Variants in XKRX observed in about 807,000 individuals in gnomAD.
XKRX encodes the protein XK-related protein 2.
In XKRX, 11 loss-of-function variants were observed where a neutral mutation model predicts 22.4. The ratio of observed to expected loss-of-function variants is 0.49; its 90% CI spans 0.31 to 0.81. The LOEUF is 0.81. Ranked by LOEUF, XKRX falls within the 40% of genes least tolerant of loss-of-function variation. XKRX has a pLI of 0.05. For missense variants in XKRX, 320 were observed against 336.5 expected (o/e 0.95, Z 0.38); for synonymous variants, 114 against 132.2 (o/e 0.86, Z 0.94).
the XKRX span, among the ~76,000 whole-genome samples, chrX:100,950,626 T>C: frequency 1.8e-5 from 2 of 112,145 alleles, no homozygotes; most frequent in Non-Finnish European, 1.9e-5. Context: ...AAACAGATCA[T>C]ATCCTGGGTC....
chrX:100,896,231 C>T, the XKRX span, among the ~76,000 whole-genome samples: 2 of 111,683 alleles, frequency 1.8e-5, no homozygotes, highest in Non-Finnish European at 3.8e-5. Flanking sequence ...ATCTCACTTC[C>T]TGGAATCTAT....
intron 2 of XKRX, among the ~76,000 whole-genome samples, chrX:100,921,824 C>CTTTTTTT (rs769704465): frequency 3.5e-5 from 2 of 56,360 alleles, no homozygotes; most frequent in East Asian, 4.4e-4. Flanking sequence ...TAACCCCACG[C>CTTTTTTT]TTTTTTTTTT....
chrX:100,928,734 T>A lies in XKRX; in HGVS notation c.-430A>T, dbSNP rs1249136842. 3 of 769,440 alleles carry A rather than the reference T, an allele frequency of 3.9e-6. No homozygotes were observed. The African/African-American group carries it at 6.9e-5, about 18-fold the overall frequency. 63.4% of individuals were successfully genotyped at this position (769,440 alleles called of 1,213,427 possible). ...GTCGGGGGCACCGACACTCAGCAGC[T>A]CCTCACAAAGAGTCCTGACCAGTGT... On this transcript the variant is annotated 5_prime_UTR_variant, in exon 1 of 3. Transcript: ENST00000372956.
chrX:100,943,392 TTTTTG>T, the XKRX span, among the ~76,000 whole-genome samples: 6 of 111,707 alleles, frequency 5.4e-5, no homozygotes, highest in Non-Finnish European at 9.4e-5. Context: ...TTTTGTGTGT[TTTTTG>T]TTTTGTTTTG....
the XKRX span, chrX:100,888,486 G>A: frequency 5.3e-4 from 449 of 848,207 alleles, 1 homozygote; most frequent in Non-Finnish European, 7.0e-4. Flanking sequence ...ATTCCCCATC[G>A]CTCAAAATGG....
chrX:100,951,345 C>G, the XKRX span, among the ~76,000 whole-genome samples: 2 of 102,745 alleles, frequency 1.9e-5, no homozygotes, highest in Non-Finnish European at 3.9e-5. Flanking sequence ...ATTAGAAGCC[C>G]AAACCTCAGC....
chrX:100,899,727 T>A, the XKRX span, among the ~76,000 whole-genome samples: 1 of 111,951 alleles, frequency 8.9e-6, no homozygotes, highest in Admixed American at 9.5e-5. Flanking sequence ...AATGTAAAAG[T>A]GAAATTAAGG....
chrX:100,914,498 A>G lies in XKRX; in HGVS notation c.1190T>C (p.Phe397Ser). 2 of 1,211,966 alleles carry G rather than the reference A, an allele frequency of 1.7e-6. No individual in the cohort carries two copies. Among genetic ancestry groups the G allele is most frequent in the Non-Finnish European group, 1.1e-6 (1 of 895,573 alleles). Residue 397 changes from phenylalanine to serine, a missense_variant, in exon 3 of 3, where the codon TTC becomes TCC. Phe to Ser is a radical substitution (Grantham distance 155, BLOSUM62 -2). Coordinates refer to ENST00000372956, the MANE Select transcript of XKRX (RefSeq NM_212559.3). ...LIIAYLISIG[F>S]MLLFFQYLHP... is the part of the protein sequence containing the mutation. ...CAAGTACTGGAAGAAAAGGAGCATGAAGCCAATGGAAATCAGATAAGCAAT... is the reference window on the plus strand; with the variant it reads ...CAAGTACTGGAAGAAAAGGAGCATGGAGCCAATGGAAATCAGATAAGCAAT...
the XKRX span, chrX:100,956,504 T>A: frequency 5.8e-6 from 2 of 344,431 alleles, no homozygotes; most frequent in Non-Finnish European, 5.1e-6. Flanking sequence ...TATATGACAG[T>A]CTTGAAATGA....
the XKRX span, among the ~76,000 whole-genome samples, chrX:100,905,968 A>T: frequency 8.9e-6 from 1 of 112,303 alleles, no homozygotes; most frequent in South Asian, 3.7e-4. Context: ...TTTCATTTCT[A>T]CAAAGATGCA....
chrX:100,893,614 A>G, the XKRX span, among the ~76,000 whole-genome samples: 1 of 112,600 alleles, frequency 8.9e-6, no homozygotes, highest in African/African-American at 3.2e-5. Flanking sequence ...GCGATACACC[A>G]TGGAATACTA....
the XKRX span, among the ~76,000 whole-genome samples, chrX:100,949,961 TAAAAC>T: frequency 2.7e-5 from 3 of 111,389 alleles, no homozygotes; most frequent in Non-Finnish European, 3.8e-5. Flanking sequence ...AATTAAAAAA[TAAAAC>T]AATAAAAATT....
chrX:100,889,995 C>T, the XKRX span, among the ~76,000 whole-genome samples: 6 of 111,638 alleles, frequency 5.4e-5, no homozygotes, highest in African/African-American at 2.0e-4. Flanking sequence ...CAGAGTGAGA[C>T]CCTGATAAGG....
upstream of XKRX, among the ~76,000 whole-genome samples, chrX:100,933,406 C>A (rs1835992607): frequency 9.5e-6 from 1 of 105,315 alleles, no homozygotes; most frequent in African/African-American, 3.5e-5. Flanking sequence ...CGCTTGAACC[C>A]AGGAGGTAGA....
chrX:100,946,570 A>G, the XKRX span, among the ~76,000 whole-genome samples: 1 of 111,916 alleles, frequency 8.9e-6, no homozygotes, highest in African/African-American at 3.2e-5. Context: ...GAGAGAATGC[A>G]TAACTTGGGG....
Position 100,928,703 on chromosome X carries a change from C to T in XKRX, c.-399G>A, listed in dbSNP as rs1357855781. On this transcript the variant is annotated 5_prime_UTR_variant, in exon 1 of 3. Coordinates refer to ENST00000372956, the MANE Select transcript of XKRX (RefSeq NM_212559.3). ...CGCAGCCCCTCAGGCAGGGTGTAGC[C>T]GATCTGTCGGGGGCACCGACACTCA... 1.5e-5 allele frequency: 12 copies of T among 779,184 alleles called. No homozygotes were observed. Among genetic ancestry groups the T allele is most frequent in the Non-Finnish European group, 1.8e-5 (12 of 657,015 alleles). The allele number at this position is 779,184 out of a possible 1,213,427, so 64.2% of individuals were successfully genotyped here. A position where few individuals can be genotyped will look rare whatever the true frequency, so the allele number is the denominator to read the frequency against.
the XKRX span, among the ~76,000 whole-genome samples, chrX:100,904,434 G>A: frequency 4.4e-5 from 5 of 112,471 alleles, no homozygotes; most frequent in Non-Finnish European, 7.5e-5. Context: ...AGATGACATT[G>A]GATATGATGA....
the XKRX span, among the ~76,000 whole-genome samples, chrX:100,900,669 T>C: frequency 1.8e-5 from 2 of 109,129 alleles, no homozygotes; most frequent in African/African-American, 6.7e-5. Context: ...AAAGAATGTA[T>C]GTCCTACTGG....
At chrX:100,940,913 T>A in the XKRX span, among the ~76,000 whole-genome samples, 1 of 111,815 alleles carries the variant, frequency 8.9e-6, no homozygotes. Flanking sequence ...GTAGGAGATA[T>A]TTTTTAACTG....
Sources: allele counts gnomAD v4.1 joint callset (sites outside exome capture counted in the v4.1 genomes callset), GRCh38; gene constraint gnomAD v4.1.1; transcripts MANE v1.5; gene names NCBI Gene and HGNC (gene_info 2026-07-23, HGNC 2026-07-21).